The following TRAK1 variants were observed in gnomAD, a reference collection of about 807,000 sequenced individuals.
The protein encoded by TRAK1 is trafficking kinesin-binding protein 1.
Under a neutral mutation model 92.1 loss-of-function variants are expected in TRAK1, and 33 were observed. The ratio of observed to expected loss-of-function variants is 0.36; its 90% CI spans 0.27 to 0.48. The LOEUF (loss-of-function observed/expected upper bound fraction) is 0.48. Ranked by LOEUF, TRAK1 falls within the 20% of genes least tolerant of loss-of-function variation. TRAK1 has a pLI of 0.99. For synonymous variants in TRAK1, 521 were observed against 517.3 expected (o/e 1.01, Z -0.10); for missense variants, 1,123 against 1,257.9 (o/e 0.89, Z 1.62).
chr3:42,131,120 A>G (rs753028060), intron 2 of TRAK1, among the ~76,000 whole-genome samples: 4 of 152,136 alleles, frequency 2.6e-5, no homozygotes, highest in Non-Finnish European at 4.4e-5. Context: ...GAATTTGCTC[A>G]AGATAAGGCA....
At chr3:42,116,613 G>A (rs1268206053) in intron 1 of TRAK1, among the ~76,000 whole-genome samples, 1 of 152,208 alleles carries the variant, frequency 6.6e-6, no homozygotes, top group Non-Finnish European at 1.5e-5. Flanking sequence ...TAGGTGAGGA[G>A]TGTTGTCTTG....
chr3:42,131,783 C>T lies in TRAK1; in HGVS notation c.286+6169C>T, dbSNP rs140900156. Among the ~76,000 whole-genome samples, 758 of 151,366 alleles carry T rather than the reference C, an allele frequency of 5.0e-3. 4 individuals carry two copies. The highest frequency in any genetic ancestry group is 7.7e-3 in the Non-Finnish European group (523 of 67,862). On this transcript the variant is annotated intron_variant, in intron 2 of 15. Coordinates refer to ENST00000327628, the MANE Select transcript of TRAK1 (RefSeq NM_001042646.3). ...AAAAAAAATACAATCCTTGGCCAGG[C>T]GTGGTGGCTCACGCCTGTAATCCCA...
intron 3 of TRAK1, among the ~76,000 whole-genome samples, chr3:42,182,546 G>A (rs1704172190): frequency 6.6e-6 from 1 of 152,116 alleles, no homozygotes; most frequent in Non-Finnish European, 1.5e-5. Flanking sequence ...CAAAGTGCCG[G>A]GATTACGGGT....
chr3:42,114,083 A>C (rs1401036029), intron 1 of TRAK1, among the ~76,000 whole-genome samples: 1 of 152,160 alleles, frequency 6.6e-6, no homozygotes, highest in African/African-American at 2.4e-5. Flanking sequence ...ATCATTCAAT[A>C]TGTGGTCTTT....
intron 2 of TRAK1, chr3:42,151,495 A>G: frequency 5.4e-6 from 2 of 371,086 alleles, no homozygotes; most frequent in South Asian, 2.0e-5. Flanking sequence ...GTTGAGCAAA[A>G]TACTTGTCCT....
intron 1 of TRAK1, among the ~76,000 whole-genome samples, chr3:42,071,566 GTTT>G (rs1703931616): frequency 6.6e-6 from 1 of 152,078 alleles, no homozygotes; most frequent in South Asian, 2.1e-4. Flanking sequence ...AAATTAGCTG[GTTT>G]TGGTGGTGGG....
chr3:42,144,564 G>C (rs1357986300), intron 2 of TRAK1, among the ~76,000 whole-genome samples: 1 of 152,116 alleles, frequency 6.6e-6, no homozygotes. Flanking sequence ...TATGGTAATG[G>C]GGTAGGAATA....
chr3:42,210,483 C>G, intron 14 of TRAK1: 1 of 1,233,302 alleles, frequency 8.1e-7, no homozygotes, highest in Non-Finnish European at 1.0e-6. Context: ...GGGTGTCTCC[C>G]TGAGTCTAAG....
At chr3:42,127,869 T>G (rs1331968469) in intron 2 of TRAK1, among the ~76,000 whole-genome samples, 1 of 152,112 alleles carries the variant, frequency 6.6e-6, no homozygotes, top group East Asian at 1.9e-4. Context: ...AGCCACAGTT[T>G]CTAAAATCTG....
chr3:42,038,602 A>G (rs925318304), intron 1 of TRAK1, among the ~76,000 whole-genome samples: 26 of 152,024 alleles, frequency 1.7e-4, no homozygotes, highest in Non-Finnish European at 4.4e-5. Context: ...CCTGGCCAAC[A>G]TGGTGAAATC....
At chr3:42,041,042 TTTG>T (rs1161446081) in intron 1 of TRAK1, among the ~76,000 whole-genome samples, 4 of 146,684 alleles carry the variant, frequency 2.7e-5, no homozygotes, top group East Asian at 2.0e-4. Flanking sequence ...GTCCTCCAAC[TTTG>T]TTGTTGTTTT....
At chr3:42,064,381 A>C (rs1703584637) in intron 1 of TRAK1, among the ~76,000 whole-genome samples, 1 of 151,216 alleles carries the variant, frequency 6.6e-6, no homozygotes, top group African/African-American at 2.4e-5. Context: ...AAAAAAAAAA[A>C]CCTTTAAAAA....
chr3:42,013,217 A>C (rs1317912539), upstream of TRAK1, among the ~76,000 whole-genome samples: 1 of 151,988 alleles, frequency 6.6e-6, no homozygotes, highest in East Asian at 1.9e-4. This position sits in a 1 kb window ranked among gnomAD's most constrained non-coding sequence, Gnocchi z 5.1. Context: ...CCCTCCATTT[A>C]AGCCTAAGGG....
chr3:42,134,042 G>C (rs1697561267), intron 2 of TRAK1, among the ~76,000 whole-genome samples: 1 of 152,122 alleles, frequency 6.6e-6, no homozygotes, highest in Non-Finnish European at 1.5e-5. Context: ...ACACACACAT[G>C]ACCATTTTTC....
upstream of TRAK1, among the ~76,000 whole-genome samples, chr3:42,086,524 C>T (rs111317406): frequency 0.04 from 6,151 of 151,890 alleles, 413 homozygotes; most frequent in African/African-American, 0.14. Context: ...ACCATATTGG[C>T]CAGGCTGGTC....
At position 42,160,138 on chromosome 3, in the gene TRAK1, C is replaced by T. The variant is rs1027792308; in HGVS notation, c.287-16676C>T. On this transcript the variant is annotated intron_variant, in intron 2 of 15. Coordinates refer to ENST00000327628, the MANE Select transcript of TRAK1 (RefSeq NM_001042646.3). ...CCCCACCCCGCCCCTCCTCCAGGCT[C>T]ATAGGAGCCACCCCCTTCCGGGTCC... is the stretch of plus-strand genomic sequence containing the variant. The T allele has an allele frequency of 5.0e-5, 60 of 1,206,672 alleles. 1 individual carries two copies. Among genetic ancestry groups the T allele is most frequent in the African/African-American group, 1.6e-5 (1 of 63,632 alleles). The allele number at this position is 1,206,672 out of a possible 1,614,324, so 74.7% of individuals were successfully genotyped here. A position where few individuals can be genotyped will look rare whatever the true frequency, so the allele number is the denominator to read the frequency against.
chr3:42,188,221 GA>G (rs1705180486), intron 5 of TRAK1, 76 bp downstream of exon 5: 15 of 1,399,902 alleles, frequency 1.1e-5, no homozygotes, highest in Non-Finnish European at 1.5e-5. Flanking sequence ...GAGTCACCTA[GA>G]CAGGGTCACC....
chr3:42,207,986 C>T (rs888722442), intron 13 of TRAK1, among the ~76,000 whole-genome samples: 2 of 152,110 alleles, frequency 1.3e-5, no homozygotes, highest in African/African-American at 2.4e-5. Flanking sequence ...CACCAGATGC[C>T]GTTCGTCCAC....
chr3:42,084,012 T>A (rs945943622), upstream of TRAK1, among the ~76,000 whole-genome samples: 1 of 152,202 alleles, frequency 6.6e-6, no homozygotes, highest in Admixed American at 6.5e-5. Context: ...TTAAAATTTT[T>A]ACTAGATTAT....
Sources: allele counts gnomAD v4.1 joint callset (sites outside exome capture counted in the v4.1 genomes callset), GRCh38; gene constraint gnomAD v4.1.1; non-coding constraint Gnocchi (gnomAD v3.1); transcripts MANE v1.5; gene names NCBI Gene and HGNC (gene_info 2026-07-23, HGNC 2026-07-21).